Variants in DLG2 observed in about 807,000 individuals in gnomAD.
DLG2 encodes discs large MAGUK scaffold protein 2.
DLG2 carries 45 observed loss-of-function variants against 132.5 expected under a neutral mutation model. The ratio of observed to expected loss-of-function variants is 0.34; its 90% CI spans 0.27 to 0.44. The LOEUF is 0.44. Among genes scored for constraint, DLG2 ranks in the 20% least tolerant of loss-of-function variants. DLG2 has a pLI of 1.00. For synonymous variants in DLG2, 424 were observed against 419.6 expected, an observed-to-expected ratio of 1.01 and a Z score of -0.13; for missense variants, 1,045 against 1,196.9, an observed-to-expected ratio of 0.87 and a Z score of 1.87.
At chr11:83,671,888 T>C (rs1046664915) in intron 18 of DLG2, among the ~76,000 whole-genome samples, 6 of 152,242 alleles carry the variant, frequency 3.9e-5, no homozygotes, top group African/African-American at 1.4e-4. Flanking sequence ...TGACTTGTTT[T>C]ACCATTTATG....
At chr11:84,273,166 T>A in intron 7 of DLG2, 1 of 1,543,616 alleles carries the variant, frequency 6.5e-7, no homozygotes, top group African/African-American at 1.4e-5. Flanking sequence ...TAAATGCATG[T>A]TGCATAGCTT....
chr11:84,492,554 A>G (rs1221810250), intron 7 of DLG2, among the ~76,000 whole-genome samples: 1 of 152,160 alleles, frequency 6.6e-6, no homozygotes, highest in Non-Finnish European at 1.5e-5. Flanking sequence ...TAGCTTCTCT[A>G]AACCTCAGGT....
intron 6 of DLG2, among the ~76,000 whole-genome samples, chr11:85,086,058 A>G (rs1478590167): frequency 1.3e-5 from 2 of 152,148 alleles, no homozygotes; most frequent in African/African-American, 4.8e-5. Flanking sequence ...AGTGCCCTAG[A>G]CAAATAGAAG....
chr11:84,145,276 T>G (rs769241226), intron 9 of DLG2, among the ~76,000 whole-genome samples: 1 of 152,228 alleles, frequency 6.6e-6, no homozygotes, highest in Non-Finnish European at 1.5e-5. Flanking sequence ...GAGAAATAGA[T>G]TGTTAGGCAA....
intron 6 of DLG2, among the ~76,000 whole-genome samples, chr11:84,565,178 T>A (rs559904492): frequency 6.6e-6 from 1 of 152,204 alleles, no homozygotes; most frequent in African/African-American, 2.4e-5. Flanking sequence ...CTTGTCCATA[T>A]ACACAGGTGT....
intron 6 of DLG2, among the ~76,000 whole-genome samples, chr11:84,552,046 C>A (rs1592181326): frequency 6.6e-6 from 1 of 152,142 alleles, no homozygotes; most frequent in Non-Finnish European, 1.5e-5. Flanking sequence ...ACTGAGAGCT[C>A]CCTGATGAAA....
chr11:84,775,529 C>G (rs1476782303), intron 6 of DLG2, among the ~76,000 whole-genome samples: 1 of 152,122 alleles, frequency 6.6e-6, no homozygotes, highest in African/African-American at 2.4e-5. Context: ...AAGTGTCCAT[C>G]AATGCCGGAC....
rs78304434 is a variant in DLG2 at position 84,943,202 on chromosome 11, G to C, written c.357+168459C>G. Among the ~76,000 whole-genome samples, 162 of 144,074 alleles carry C rather than the reference G, an allele frequency of 1.1e-3. 1 individual carries two copies. Among genetic ancestry groups the C allele is most frequent in the African/African-American group, 3.9e-3 (150 of 38,684 alleles). The allele number at this position is 144,074 out of a possible 152,430, so 94.5% of individuals were successfully genotyped here. ...TGTGTGTGTGTGTGTGTGTGTGTGT[G>C]TATCTATTCAGCTACTCTGTCTTTT... On this transcript the variant is annotated intron_variant, in intron 6 of 27. Transcript: ENST00000376104.
intron 6 of DLG2, among the ~76,000 whole-genome samples, chr11:84,672,897 G>A (rs768484948): frequency 2.4e-4 from 36 of 152,096 alleles, no homozygotes; most frequent in South Asian, 4.1e-4. Context: ...CAGCATCTGG[G>A]AAGGCCTCAG....
Position 83,466,664 on chromosome 11 carries a change from A to G in DLG2, c.2729+44T>C, listed in dbSNP as rs2091093664. 6 of 1,111,526 alleles carry G rather than the reference A, an allele frequency of 5.4e-6. No individual in the cohort carries two copies. In the East Asian group the frequency reaches 1.4e-4, roughly 26 times the overall value. 68.9% of individuals were successfully genotyped at this position (1,111,526 alleles called of 1,614,324 possible). A position where few individuals can be genotyped will look rare whatever the true frequency, so the allele number is the denominator to read the frequency against. On this transcript the variant is annotated intron_variant, in intron 26 of 27. Coordinates refer to ENST00000376104, the MANE Select transcript of DLG2 (RefSeq NM_001142699.3). ...TTAGTAATTTTCAGTATAATACAGAACAGGGAGTCAGTTGGATGAAGGCCT... is the reference window on the plus strand; with the variant it reads ...TTAGTAATTTTCAGTATAATACAGAGCAGGGAGTCAGTTGGATGAAGGCCT...
At position 85,049,382 on chromosome 11, in the gene DLG2, C is replaced by G. The variant is rs1046635225; in HGVS notation, c.357+62279G>C. Reference sequence around the variant, plus strand: ...ATCTGCTGTGTTGGTCATCCTATCTCTAGCACCTAGCACTATGTCTGCAAT... The same window carrying G: ...ATCTGCTGTGTTGGTCATCCTATCTGTAGCACCTAGCACTATGTCTGCAAT... On this transcript the variant is annotated intron_variant, in intron 6 of 27. Transcript: ENST00000376104. 5.3e-5 allele frequency among the ~76,000 whole-genome samples: 8 copies of G among 152,160 alleles called. No homozygotes were observed. The East Asian group carries it at 1.4e-3, about 26-fold the overall frequency.
chr11:84,485,724 G>C (rs991075032), intron 7 of DLG2, among the ~76,000 whole-genome samples: 1 of 152,166 alleles, frequency 6.6e-6, no homozygotes, highest in African/African-American at 2.4e-5. Context: ...AGGTCCTACT[G>C]TAGTGTAGGC....
At chr11:85,058,806 T>C (rs1471140509) in intron 6 of DLG2, among the ~76,000 whole-genome samples, 1 of 151,482 alleles carries the variant, frequency 6.6e-6, no homozygotes, top group Non-Finnish European at 1.5e-5. Context: ...TAATTAATTA[T>C]ATATCCATAT....
chr11:84,666,727 T>C (rs1030206050), intron 6 of DLG2, among the ~76,000 whole-genome samples: 1 of 152,036 alleles, frequency 6.6e-6, no homozygotes, highest in Non-Finnish European at 1.5e-5. Flanking sequence ...TATATTTATA[T>C]TTAAATAAAA....
intron 6 of DLG2, among the ~76,000 whole-genome samples, chr11:85,027,904 G>A (rs1302346521): frequency 1.3e-5 from 2 of 152,146 alleles, no homozygotes; most frequent in Non-Finnish European, 2.9e-5. Flanking sequence ...CGGGGGAGGG[G>A]GGTGTTTCAG....
At chr11:84,308,734 G>A (rs1009891585) in intron 7 of DLG2, among the ~76,000 whole-genome samples, 2 of 152,132 alleles carry the variant, frequency 1.3e-5, no homozygotes, top group African/African-American at 4.8e-5. Context: ...CCGGTGGGCC[G>A]GCACTGCTGG....
chr11:85,175,391 A>G (rs1183461809), intron 4 of DLG2, among the ~76,000 whole-genome samples: 1 of 152,224 alleles, frequency 6.6e-6, no homozygotes, highest in East Asian at 1.9e-4. Flanking sequence ...TAGACACCAA[A>G]AAAGTCTTCA....
chr11:84,502,204 T>C (rs200416666), intron 7 of DLG2, among the ~76,000 whole-genome samples: 833 of 5,190 alleles, frequency 0.16, 247 homozygotes, highest in Middle Eastern at 0.36. Context: ...CTCTCTCTCC[T>C]TCCTTCCTTC....
chr11:83,793,987 G>A (rs1443152514), intron 17 of DLG2, among the ~76,000 whole-genome samples: 1 of 152,070 alleles, frequency 6.6e-6, no homozygotes, highest in Non-Finnish European at 1.5e-5. Context: ...GTAAAGGAAG[G>A]GACTGGCCCA....
Sources: allele counts gnomAD v4.1 joint callset (sites outside exome capture counted in the v4.1 genomes callset), GRCh38; gene constraint gnomAD v4.1.1; transcripts MANE v1.5; gene names NCBI Gene and HGNC (gene_info 2026-07-23, HGNC 2026-07-21).